CLVS1: variants seen among roughly 807,000 people sequenced by gnomAD.
The protein encoded by CLVS1 is clavesin 1, also known as clavesin-1.
CLVS1 carries 10 observed loss-of-function variants against 33.1 expected under a neutral mutation model. That is an observed-to-expected ratio of 0.30 (90% CI 0.19 to 0.51). The LOEUF (loss-of-function observed/expected upper bound fraction) is 0.51, where lower values mean the gene tolerates loss of function less well. Ranked by LOEUF, CLVS1 falls within the 20% of genes least tolerant of loss-of-function variation. The probability of loss-of-function intolerance (pLI) is 0.97; values close to 1 mark genes in which losing one functional copy is unlikely to be tolerated. For missense variants in CLVS1, 343 were observed against 433.4 expected (o/e 0.79, Z 1.85); for synonymous variants, 163 against 166.1 (o/e 0.98, Z 0.14).
intron 3 of CLVS1, among the ~76,000 whole-genome samples, chr8:61,420,435 G>A (rs1212927400): frequency 6.6e-6 from 1 of 151,916 alleles, no homozygotes; most frequent in East Asian, 1.9e-4. Context: ...AACCCTGTCT[G>A]TACCAAAAAT....
At chr8:61,239,018 A>T (rs759598883) in intron 2 of CLVS1, among the ~76,000 whole-genome samples, 1 of 152,358 alleles carries the variant, frequency 6.6e-6, no homozygotes, top group South Asian at 2.1e-4. Context: ...CTTCCAGCAG[A>T]TATAACAGTG....
chr8:61,334,164 C>T (rs866898810), intron 2 of CLVS1, among the ~76,000 whole-genome samples: 11 of 152,096 alleles, frequency 7.2e-5, no homozygotes, highest in Middle Eastern at 3.4e-3. Context: ...TTAGAAGAAC[C>T]GGGTGTGAGA....
At chr8:61,121,245 G>A (rs901349870) in intron 1 of CLVS1, among the ~76,000 whole-genome samples, 2 of 152,212 alleles carry the variant, frequency 1.3e-5, no homozygotes, top group Admixed American at 1.3e-4. Context: ...CTCACGGTGC[G>A]CGCACCCACT....
In CLVS1 at chr8:61,232,035, T is replaced by TG. The variant is rs1563455116; in HGVS notation, c.-151-67642_-151-67641insG. Among the ~76,000 whole-genome samples, 4 of 131,080 alleles carry TG rather than the reference T, an allele frequency of 3.1e-5. 1 individual carries two copies. The highest frequency in any genetic ancestry group is 1.3e-4 in the African/African-American group (4 of 30,264). 86.0% of individuals were successfully genotyped at this position (131,080 alleles called of 152,430 possible). On this transcript the variant is annotated intron_variant, in intron 2 of 2. Transcript: ENST00000522621. ...GAGGAAAGTTGTGGTTTTTTTTTTT[T>TG]TTTTTTTTTTTTTTTGTGAGATGGA...
the CLVS1 span, among the ~76,000 whole-genome samples, chr8:60,995,722 T>C: frequency 6.6e-6 from 1 of 152,204 alleles, no homozygotes; most frequent in Non-Finnish European, 1.5e-5. Context: ...CGTATGTTTA[T>C]TGCGGCATTA....
intron 2 of CLVS1, among the ~76,000 whole-genome samples, chr8:61,309,840 G>T (rs1002556933): frequency 6.6e-6 from 1 of 152,158 alleles, no homozygotes; most frequent in Non-Finnish European, 1.5e-5. Context: ...CCCCGAGGCC[G>T]TAGGTGGGAT....
At chr8:61,218,940 G>A (rs191819075) in intron 2 of CLVS1, among the ~76,000 whole-genome samples, 20 of 152,086 alleles carry the variant, frequency 1.3e-4, no homozygotes, top group East Asian at 9.7e-4. Flanking sequence ...GTGAAACTTC[G>A]TCTCAAATAA....
chr8:61,022,875 A>G, the CLVS1 span, among the ~76,000 whole-genome samples: 1 of 152,242 alleles, frequency 6.6e-6, no homozygotes, highest in East Asian at 1.9e-4. Context: ...CCCTCTGTTT[A>G]TGCAAATATA....
chr8:61,093,542 G>T (rs1805292771), intron 1 of CLVS1, among the ~76,000 whole-genome samples: 2 of 152,146 alleles, frequency 1.3e-5, no homozygotes, highest in Admixed American at 1.3e-4. Flanking sequence ...ACAGCAAATG[G>T]GATTCAGAGG....
At chr8:61,266,358 C>A (rs1563469349) in intron 2 of CLVS1, among the ~76,000 whole-genome samples, 1 of 151,758 alleles carries the variant, frequency 6.6e-6, no homozygotes, top group Non-Finnish European at 1.5e-5. Flanking sequence ...TGGCCAATCC[C>A]CACTGATCAA....
intron 5 of CLVS1, among the ~76,000 whole-genome samples, chr8:61,481,861 G>T (rs527809134): frequency 1.3e-5 from 2 of 152,348 alleles, no homozygotes; most frequent in South Asian, 4.1e-4. Context: ...GGTTCTCCCA[G>T]CATGGAGTTG....
intron 2 of CLVS1, among the ~76,000 whole-genome samples, chr8:61,322,882 C>T (rs1484650037): frequency 6.6e-6 from 1 of 152,240 alleles, no homozygotes. Flanking sequence ...TAAATATTCA[C>T]CAGTCTTTCC....
At chr8:61,143,263 C>T (rs1351895576) in intron 2 of CLVS1, among the ~76,000 whole-genome samples, 1 of 152,200 alleles carries the variant, frequency 6.6e-6, no homozygotes, top group Non-Finnish European at 1.5e-5. Context: ...CCTTGTGGTG[C>T]AGCAACTGTG....
chr8:60,995,292 A>G, the CLVS1 span, among the ~76,000 whole-genome samples: 2 of 152,026 alleles, frequency 1.3e-5, no homozygotes, highest in African/African-American at 2.4e-5. Flanking sequence ...CAGAATCTAC[A>G]ATGAACTCAA....
At chr8:61,158,449 T>C (rs1300307835) in intron 2 of CLVS1, among the ~76,000 whole-genome samples, 1 of 152,108 alleles carries the variant, frequency 6.6e-6, no homozygotes, top group East Asian at 1.9e-4. Flanking sequence ...TAAACCTCAA[T>C]TTAAAGAAAA....
intron 2 of CLVS1, among the ~76,000 whole-genome samples, chr8:61,218,079 G>A (rs779021553): frequency 6.6e-5 from 10 of 151,536 alleles, no homozygotes; most frequent in Non-Finnish European, 1.3e-4. Flanking sequence ...AGCCACTATG[G>A]AGAACAGTAT....
rs529637382 is a variant in CLVS1, at chr8:61,275,590, G to C, written c.-151-24087G>C. On this transcript the variant is annotated intron_variant, in intron 2 of 2. Transcript: ENST00000522621. ...TGTTGGAAGGAATAGTAAAAAGGAA[G>C]CTTAGTTCGAAAGGTTGAAGAATTT... Among the ~76,000 whole-genome samples the C allele has an allele frequency of 1.3e-3, 197 of 152,316 alleles. 1 individual carries two copies. The highest frequency in any genetic ancestry group is 4.5e-3 in the African/African-American group (187 of 41,576).
chr8:61,253,144 T>G (rs956234238), intron 2 of CLVS1, among the ~76,000 whole-genome samples: 2 of 152,166 alleles, frequency 1.3e-5, no homozygotes, highest in Non-Finnish European at 2.9e-5. Context: ...AGCATTTGCT[T>G]GTCTGAAAAG....
intron 2 of CLVS1, among the ~76,000 whole-genome samples, chr8:61,255,511 C>A (rs73684473): frequency 8.6e-5 from 13 of 151,996 alleles, no homozygotes; most frequent in East Asian, 1.9e-4. Flanking sequence ...GGTGAAGGAG[C>A]GAAAATAAAC....
Sources: gnomAD v4.1 joint callset for allele counts (sites outside exome capture counted in the v4.1 genomes callset) on GRCh38, gnomAD v4.1.1 for gene constraint, MANE v1.5 for transcripts, NCBI Gene and HGNC (gene_info 2026-07-23, HGNC 2026-07-21) for gene names.